The following CPNE6 variants were observed in gnomAD, a reference collection of about 807,000 sequenced individuals.
CPNE6 encodes the protein copine 6, also known as copine-6.
CPNE6 carries 33 observed loss-of-function variants against 71.5 expected under a neutral mutation model. The ratio of observed to expected loss-of-function variants is 0.46; its 90% confidence interval spans 0.35 to 0.62. The LOEUF (loss-of-function observed/expected upper bound fraction) is 0.62. Among genes scored for constraint, CPNE6 ranks in the 20% least tolerant of loss-of-function variants. The pLI, the probability that CPNE6 is intolerant of heterozygous loss-of-function variation, is 0.00. For missense variants in CPNE6, 576 were observed against 747.3 expected, an observed-to-expected ratio of 0.77 and a Z score of 2.67; for synonymous variants, 296 against 293.0, an observed-to-expected ratio of 1.01 and a Z score of -0.10.
chr14:24,073,216 C>T lies in CPNE6; in HGVS notation c.168+112C>T, dbSNP rs892336958. On this transcript the variant is annotated intron_variant, in intron 3 of 17. Transcript: ENST00000397016. This position sits in a 1 kb window ranked among gnomAD's most constrained non-coding sequence, Gnocchi z 5.5. The stretch of plus-strand genomic sequence containing the variant: ...GGGAAATGTGTGGACTCTGCGGCGC[C>T]TTCTCGAGGCCGCTTGGGTACCCTG... 8.3e-7 allele frequency: 1 copy of T among 1,197,932 alleles called. No homozygotes were observed. The highest frequency in any genetic ancestry group is 1.1e-6 in the Non-Finnish European group (1 of 907,146). 74.2% of individuals were successfully genotyped at this position (1,197,932 alleles called of 1,614,324 possible). A position where few individuals can be genotyped will look rare whatever the true frequency, so the allele number is the denominator to read the frequency against.
Position 24,077,533 on chromosome 14 carries a change from A to T in CPNE6, c.1537-60A>T. On this transcript the variant is annotated intron_variant, in intron 16 of 17. Transcript: ENST00000397016. This position sits in a 1 kb window ranked among gnomAD's most constrained non-coding sequence, Gnocchi z 6.1. ...CCCTGAAGCCCCACTTCTCCCTCAG[A>T]TGACCCTGCCTCCCCTACTCTTCCT... is the stretch of plus-strand genomic sequence containing the variant. The T allele has an allele frequency of 1.9e-6, 3 of 1,591,024 alleles. No homozygotes were observed. The highest frequency in any genetic ancestry group is 2.6e-6 in the Non-Finnish European group (3 of 1,165,072).
Position 24,077,376 on chromosome 14 carries a change from C to T in CPNE6, c.1522C>T (p.Arg508Ter). 6.2e-7 allele frequency: 1 copy of T among 1,613,982 alleles called. No homozygotes were observed. ...AGACATTGTCCAGTTCGTGCCCTTC[C>T]GAGACTTCAAGGATGTGAGTCCCCC... Residue 508 changes from arginine (R) to a stop codon, truncating the protein, a stop_gained, in exon 16 of 18, where the codon CGA becomes TGA. Transcript: ENST00000397016. LOFTEE classifies it high-confidence loss of function. This position sits in a 1 kb window ranked among gnomAD's most constrained non-coding sequence, Gnocchi z 6.1.
intron 2 of CPNE6, chr14:24,072,649 A>ATT: frequency 3.1e-6 from 1 of 318,374 alleles, no homozygotes; most frequent in South Asian, 1.5e-4. Flanking sequence ...CCTAGGAGCC[A>ATT]AGACTGCCAG....
chr14:24,071,555 T>C lies in CPNE6; in HGVS notation c.-91T>C, dbSNP rs894843355. On this transcript the variant is annotated 5_prime_UTR_variant, in exon 2 of 18. Transcript: ENST00000397016. Reference sequence around the variant, plus strand: ...CCATAAATAGCAGCAGAGCCGGAGCTGGAGCCGGCGCCAGCGGCTGGAGCA... The same window carrying C: ...CCATAAATAGCAGCAGAGCCGGAGCCGGAGCCGGCGCCAGCGGCTGGAGCA... 2.1e-4 allele frequency: 257 copies of C among 1,246,666 alleles called. No individual in the cohort carries two copies. Among genetic ancestry groups the C allele is most frequent in the Admixed American group, 5.2e-4 (20 of 38,704 alleles). 77.2% of individuals were successfully genotyped at this position (1,246,666 alleles called of 1,614,324 possible).
chr14:24,071,570 C>G, exon 2 of CPNE6: 3 of 1,500,620 alleles, frequency 2.0e-6, no homozygotes, highest in Non-Finnish European at 2.7e-6. Context: ...CCGGCGCCAG[C>G]GGCTGGAGCA....
chr14:24,077,269 G>T lies in CPNE6; in HGVS notation c.1415G>T (p.Gly472Val). The T allele has an allele frequency of 6.2e-7, 1 of 1,613,710 alleles. No individual in the cohort carries two copies. Among genetic ancestry groups the T allele is most frequent in the Non-Finnish European group, 8.5e-7 (1 of 1,180,028 alleles). The change falls in exon 16 of 18, where the codon GGC (glycine) becomes GTC (valine). Residue 472 changes from glycine (G) to valine (V), a missense_variant. By Grantham distance (109) the Gly-to-Val change is moderately radical. Transcript: ENST00000397016. This position sits in a 1 kb window ranked among gnomAD's most constrained non-coding sequence, Gnocchi z 6.1. ...ATGTCCATCATCATCGTAGGCGTGG[G>T]CAATGCTGACTTCTCTGACATGCGG...
chr14:24,074,860 C>A lies in CPNE6; in HGVS notation c.672+65C>A. ...ACCAATCTGCTATCTAAGACCTTTC[C>A]CCTGCATGTGGCAAGCCTCCCTCCT... On this transcript the variant is annotated intron_variant, in intron 8 of 17. Coordinates refer to ENST00000397016, the Ensembl canonical transcript of CPNE6. The surrounding 1 kb of genome is among the most constrained non-coding windows in gnomAD (Gnocchi z 4.5). 7.2e-7 allele frequency: 1 copy of A among 1,384,512 alleles called. No homozygotes were observed. Among genetic ancestry groups the A allele is most frequent in the Non-Finnish European group, 1.0e-6 (1 of 991,350 alleles). 85.8% of individuals were successfully genotyped at this position (1,384,512 alleles called of 1,614,324 possible). A position where few individuals can be genotyped will look rare whatever the true frequency, so the allele number is the denominator to read the frequency against.
At chr14:24,071,597 C>A in exon 2 of CPNE6, 2 of 1,363,546 alleles carry the variant, frequency 1.5e-6, no homozygotes, top group Middle Eastern at 2.3e-4. Context: ...GAGTCAGGGC[C>A]AGGGCCAGAG....
In CPNE6 at chr14:24,075,034, G is replaced by A. The variant is rs927211740; in HGVS notation, c.673-138G>A. The A allele has an allele frequency of 5.3e-5, 41 of 768,476 alleles. No individual in the cohort carries two copies. The highest frequency in any genetic ancestry group is 6.1e-5 in the Non-Finnish European group (27 of 442,476). 47.6% of individuals were successfully genotyped at this position (768,476 alleles called of 1,614,324 possible). ...AAAGTTCAGCAGGTGGCCTCTCCGG[G>A]CAGGCTGAGGATGTCTGTTTGGGCA... On this transcript the variant is annotated intron_variant, in intron 8 of 17. Coordinates refer to ENST00000397016, the Ensembl canonical transcript of CPNE6. This position sits in a 1 kb window ranked among gnomAD's most constrained non-coding sequence, Gnocchi z 4.3.
In CPNE6 at chr14:24,073,285, G is replaced by A. The variant is rs1313194284; in HGVS notation, c.168+181G>A. On this transcript the variant is annotated intron_variant, in intron 3 of 17. Coordinates refer to ENST00000397016, the Ensembl canonical transcript of CPNE6. The surrounding 1 kb of genome is among the most constrained non-coding windows in gnomAD (Gnocchi z 5.5). ...GTCCTGAGATTGACCCAGAGGCAGT[G>A]GGGTTGCTCCCAAAGGCCTCATGAT... Among the ~76,000 whole-genome samples, 1 of 152,162 alleles carries A rather than the reference G, an allele frequency of 6.6e-6. No individual in the cohort carries two copies. The highest frequency in any genetic ancestry group is 1.5e-5 in the Non-Finnish European group (1 of 68,034).
chr14:24,071,509 C>T (rs1301848378), intron 1 of CPNE6, 53 bp from the exon 1 acceptor site: 1 of 1,491,538 alleles, frequency 6.7e-7, no homozygotes, highest in Non-Finnish European at 8.9e-7. Flanking sequence ...GCGCCCCCCC[C>T]CACCCCTCCC....
intron 2 of CPNE6, chr14:24,072,624 T>G (rs113140395): frequency 0.017 from 4,834 of 279,072 alleles, 72 homozygotes; most frequent in Non-Finnish European, 0.021. Context: ...GCAGAAAGTG[T>G]AGATCAATCG....
At chr14:24,071,449 C>T in intron 1 of CPNE6, 113 bp from the exon 1 acceptor site, 1 of 1,505,620 alleles carries the variant, frequency 6.6e-7, no homozygotes, top group Non-Finnish European at 8.8e-7. Context: ...GTGGCCCTGC[C>T]CCTTCCCTCT....
In CPNE6 at chr14:24,074,599, G is replaced by A. The variant is rs2070343; in HGVS notation, c.567G>A (p.Leu189=). ...CCAACGAGGACCAAAGTGATCAGCT[G>A]GTCTGGAGAACTGAGGTTGGTGCCT... is the stretch of plus-strand genomic sequence containing the variant. The change falls in exon 7 of 18, where the codon CTG becomes CTA. Residue 189 remains leucine (L), a synonymous_variant. Coordinates refer to ENST00000397016, the Ensembl canonical transcript of CPNE6. The surrounding 1 kb of genome is among the most constrained non-coding windows in gnomAD (Gnocchi z 4.5). The A allele has an allele frequency of 6.2e-7, 1 of 1,614,018 alleles. No individual in the cohort carries two copies. The highest frequency in any genetic ancestry group is 1.3e-5 in the African/African-American group (1 of 74,998).
intron 1 of CPNE6, chr14:24,071,273 G>C (rs1047708548): frequency 8.6e-6 from 11 of 1,286,140 alleles, no homozygotes; most frequent in Non-Finnish European, 1.1e-5. Context: ...TCATTTCTCT[G>C]TTTGAATGTG....
chr14:24,076,323 T>C (rs756746653), intron 12 of CPNE6, 37 bp from the exon 12 acceptor site: 5 of 1,614,210 alleles, frequency 3.1e-6, no homozygotes, highest in Non-Finnish European at 4.2e-6. Flanking sequence ...CAGGGAGGCC[T>C]TGCCCAACGG....
chr14:24,074,632 T>C lies in CPNE6; in HGVS notation c.582+18T>C, dbSNP rs764184928. The C allele has an allele frequency of 1.2e-6, 2 of 1,613,962 alleles. No homozygotes were observed. The highest frequency in any genetic ancestry group is 1.7e-6 in the Non-Finnish European group (2 of 1,179,836). ...GAACTGAGGTTGGTGCCTGGGGCTA[T>C]GGGGATGAAGGGAGGGAGAGTAAAG... On this transcript the variant is annotated intron_variant, in intron 7 of 17. Coordinates refer to ENST00000397016, the Ensembl canonical transcript of CPNE6. The surrounding 1 kb of genome is among the most constrained non-coding windows in gnomAD (Gnocchi z 4.5).
rs1162521047 is a variant in CPNE6, at chr14:24,074,585, C to A, written c.553C>A (p.Gln185Lys). The A allele has an allele frequency of 6.2e-7, 1 of 1,614,172 alleles. No individual in the cohort carries two copies. The highest frequency in any genetic ancestry group is 8.5e-7 in the Non-Finnish European group (1 of 1,180,028). ...GGAAATCTATAAGACCAACGAGGACCAAAGTGATCAGCTGGTCTGGAGAAC... is the reference window on the plus strand; with the variant it reads ...GGAAATCTATAAGACCAACGAGGACAAAAGTGATCAGCTGGTCTGGAGAAC... Residue 185 changes from glutamine (Q) to lysine (K), a missense_variant, in exon 7 of 18, where the codon CAA becomes AAA. Coordinates refer to ENST00000397016, the Ensembl canonical transcript of CPNE6. This position sits in a 1 kb window ranked among gnomAD's most constrained non-coding sequence, Gnocchi z 4.5.
chr14:24,077,235 C>T lies in CPNE6; in HGVS notation c.1381C>T (p.Arg461Cys), dbSNP rs149609708. 9.3e-6 allele frequency: 15 copies of T among 1,613,090 alleles called. No homozygotes were observed. The highest frequency in any genetic ancestry group is 2.7e-5 in the African/African-American group (2 of 74,910). The change falls in exon 16 of 18, where the codon CGC (arginine) becomes TGC (cysteine). Residue 461 changes from arginine to cysteine, a missense_variant. Coordinates refer to ENST00000397016, the Ensembl canonical transcript of CPNE6. This position sits in a 1 kb window ranked among gnomAD's most constrained non-coding sequence, Gnocchi z 6.1. ...TCGCACTGCTATCGTGCGTGCCTCC[C>T]GCCTGCCCATGTCCATCATCATCGT...
Sources: gnomAD v4.1 joint callset for allele counts (sites outside exome capture counted in the v4.1 genomes callset) on GRCh38, gnomAD v4.1.1 for gene constraint, Gnocchi (gnomAD v3.1) non-coding constraint, MANE v1.5 for transcripts, NCBI Gene and HGNC (gene_info 2026-07-23, HGNC 2026-07-21) for gene names.